Variants in ADAMTSL2 observed in about 807,000 individuals in gnomAD.
ADAMTSL2 encodes the protein ADAMTS like 2.
A neutral mutation model predicts 117.0 loss-of-function variants in ADAMTSL2; 55 were observed. That is an observed-to-expected ratio of 0.47 (90% CI 0.38 to 0.59). The LOEUF is 0.59. Ranked by LOEUF, ADAMTSL2 falls within the 20% of genes least tolerant of loss-of-function variation. The probability of loss-of-function intolerance (pLI) is 0.00; values close to 1 mark genes in which losing one functional copy is unlikely to be tolerated. For synonymous variants in ADAMTSL2, 572 were observed against 566.4 expected, an observed-to-expected ratio of 1.01 and a Z score of -0.14; for missense variants, 1,182 against 1,354.5, an observed-to-expected ratio of 0.87 and a Z score of 2.00.
chr9:133,553,923 G>A (rs1287135482), intron 9 of ADAMTSL2, among the ~76,000 whole-genome samples: 1 of 152,270 alleles, frequency 6.6e-6, no homozygotes, highest in Non-Finnish European at 1.5e-5. Context: ...CCTGGCCTGG[G>A]CAGTGGGGCT....
At chr9:133,547,743 G>A (rs1329137256) in intron 9 of ADAMTSL2, among the ~76,000 whole-genome samples, 1 of 152,188 alleles carries the variant, frequency 6.6e-6, no homozygotes. Flanking sequence ...GCACTATGGT[G>A]CTCGGTCCTT....
chr9:133,573,710 G>A, intron 17 of ADAMTSL2, 133 bp from the exon 18 acceptor site: 2 of 1,084,334 alleles, frequency 1.8e-6, no homozygotes, highest in Admixed American at 3.9e-5. Flanking sequence ...CACGGGTCCT[G>A]TGTCAGTTGG....
chr9:133,542,297 G>A (rs1830243813), intron 7 of ADAMTSL2, among the ~76,000 whole-genome samples: 2 of 152,236 alleles, frequency 1.3e-5, no homozygotes, highest in African/African-American at 4.8e-5. Context: ...AGCAGGGCGA[G>A]GTGGGCAGAG....
At chr9:133,556,202 T>TG (rs1191173085) in intron 11 of ADAMTSL2, among the ~76,000 whole-genome samples, 1 of 152,076 alleles carries the variant, frequency 6.6e-6, no homozygotes, top group Non-Finnish European at 1.5e-5. Context: ...GTGCAGCTGA[T>TG]GGGGGGAAGG....
chr9:133,568,545 G>A, intron 14 of ADAMTSL2, 58 bp from the exon 15 acceptor site: 2 of 1,562,218 alleles, frequency 1.3e-6, no homozygotes, highest in Admixed American at 3.8e-5. Flanking sequence ...GGGCTTGGGA[G>A]ATGGAGGTGG....
intron 9 of ADAMTSL2, among the ~76,000 whole-genome samples, chr9:133,550,464 C>T (rs1263512265): frequency 6.6e-6 from 1 of 152,216 alleles, no homozygotes; most frequent in Non-Finnish European, 1.5e-5. Flanking sequence ...TGTTTAATGC[C>T]ATGTTCTCGG....
At chr9:133,569,305 C>T (rs1384028115) in intron 15 of ADAMTSL2, 103 bp from the exon 16 acceptor site, 2 of 1,239,270 alleles carry the variant, frequency 1.6e-6, no homozygotes, top group Non-Finnish European at 2.3e-6. Flanking sequence ...ACCGCTTCGA[C>T]ACTGCCTGGG....
chr9:133,570,479 T>C lies in ADAMTSL2; in HGVS notation c.2564T>C (p.Phe855Ser), dbSNP rs1831080526. 5 of 1,611,742 alleles carry C rather than the reference T, an allele frequency of 3.1e-6. No individual in the cohort carries two copies. The South Asian group carries it at 5.5e-5, about 18-fold the overall frequency. ...AGCACGTGTTTCGAGAGGCCCTGCT[T>C]CAAGTGGTACACCAGCCCCTGGTCA... ...EESTCFERPC[F>S]KWYTSPWSEC... is the part of the protein sequence containing the mutation. The change falls in exon 17 of 19, where the codon TTC (phenylalanine) becomes TCC (serine). Residue 855 changes from phenylalanine (F) to serine (S), a missense_variant. This residue lies in a region of ADAMTSL2 where 465 missense variants were observed against 565.3 expected (regional missense o/e 0.82). Coordinates refer to ENST00000651351, the MANE Select transcript of ADAMTSL2 (RefSeq NM_014694.4).
At chr9:133,573,322 G>A (rs951387541) in intron 17 of ADAMTSL2, among the ~76,000 whole-genome samples, 1 of 152,184 alleles carries the variant, frequency 6.6e-6, no homozygotes, top group Non-Finnish European at 1.5e-5. Context: ...ACATCTGGAC[G>A]GGGAGCCACT....
At position 133,575,077 on chromosome 9, in the gene ADAMTSL2, C is replaced by G; in HGVS notation, c.*213C>G. ...CCGGCACCCAGTGGCCTCCCCCAGA[C>G]AGAGCCACCCCTGCCGTGGGAACCT... On this transcript the variant is annotated 3_prime_UTR_variant, in exon 19 of 19. Coordinates refer to ENST00000651351, the MANE Select transcript of ADAMTSL2 (RefSeq NM_014694.4). The G allele has an allele frequency of 5.1e-6, 3 of 589,356 alleles. No homozygotes were observed. Among genetic ancestry groups the G allele is most frequent in the Non-Finnish European group, 9.1e-6 (3 of 329,464 alleles). The allele number at this position is 589,356 out of a possible 1,614,324, so 36.5% of individuals were successfully genotyped here.
At chr9:133,534,942 C>G in intron 1 of ADAMTSL2, 25 bp downstream of exon 1, 1 of 1,374,952 alleles carries the variant, frequency 7.3e-7, no homozygotes, top group Admixed American at 3.2e-5. Flanking sequence ...CCCCGTCCCC[C>G]TCACGTTGCA....
At position 133,539,939 on chromosome 9, in the gene ADAMTSL2, C is replaced by T. The variant is rs887218022; in HGVS notation, c.412+66C>T. 2.4e-4 allele frequency: 350 copies of T among 1,441,944 alleles called. 1 individual carries two copies. The highest frequency in any genetic ancestry group is 3.0e-4 in the Non-Finnish European group (318 of 1,051,478). 89.3% of individuals were successfully genotyped at this position (1,441,944 alleles called of 1,614,324 possible). On this transcript the variant is annotated intron_variant, in intron 5 of 18. Coordinates refer to ENST00000651351, the MANE Select transcript of ADAMTSL2 (RefSeq NM_014694.4). ...TGAGCTTTGGGGGTAGCCCTTCCGG[C>T]ACCTGGGACCAAACTCGACGGGTGG...
At chr9:133,535,856 G>T (rs1393593877) in intron 1 of ADAMTSL2, among the ~76,000 whole-genome samples, 2 of 152,162 alleles carry the variant, frequency 1.3e-5, no homozygotes, top group Non-Finnish European at 2.9e-5. Flanking sequence ...TGAGGAGGGG[G>T]TGGGGAGAGC....
At chr9:133,572,445 G>T (rs898636808) in intron 17 of ADAMTSL2, among the ~76,000 whole-genome samples, 1 of 152,280 alleles carries the variant, frequency 6.6e-6, no homozygotes. Flanking sequence ...GGCTAAGCCC[G>T]GTGGGAGGGA....
Position 133,570,427 on chromosome 9 carries a change from G to T in ADAMTSL2, c.2512G>T (p.Gly838Trp), listed in dbSNP as rs886063647. ...KPQTRSGPEC[G>W]LAKKPPEEST... is the part of the protein sequence containing the mutation. ...GCAGACGCGCAGTGGCCCCGAGTGC[G>T]GGCTCGCCAAGAAGCCTCCCGAGGA... Residue 838 changes from glycine (G) to tryptophan (W), a missense_variant, in exon 17 of 19, where the codon GGG becomes TGG. By Grantham distance (184) the Gly-to-Trp change is radical (BLOSUM62 -2). Around this residue, in one of 3 missense-constraint regions of ADAMTSL2, gnomAD observed 465 missense variants for 565.3 expected, o/e 0.82. Transcript: ENST00000651351. The T allele has an allele frequency of 1.9e-5, 30 of 1,604,684 alleles. No homozygotes were observed. Among genetic ancestry groups the T allele is most frequent in the Non-Finnish European group, 2.5e-5 (29 of 1,176,406 alleles).
chr9:133,564,641 G>GGAGA (rs1564179077), intron 12 of ADAMTSL2, among the ~76,000 whole-genome samples: 9 of 13,108 alleles, frequency 6.9e-4, no homozygotes, highest in African/African-American at 2.5e-3. Context: ...AGAGAGAGAG[G>GGAGA]GAGAGAGGGA....
intron 4 of ADAMTSL2, 76 bp from the exon 5 acceptor site, chr9:133,539,695 T>TGTC (rs1554810842): frequency 2.2e-3 from 676 of 303,842 alleles, no homozygotes; most frequent in Non-Finnish European, 3.0e-3. Context: ...TGCAGCCACT[T>TGTC]CCTGCTTAGC....
chr9:133,569,769 C>A (rs2131183512), intron 16 of ADAMTSL2, among the ~76,000 whole-genome samples, 191 bp downstream of exon 16: 2 of 152,324 alleles, frequency 1.3e-5, no homozygotes, highest in East Asian at 3.9e-4. Context: ...CTTACAAGTC[C>A]CCAAATCTCA....
Position 133,536,603 on chromosome 9 carries a change from T to A in ADAMTSL2, c.-110T>A. The A allele has an allele frequency of 1.2e-6, 2 of 1,611,698 alleles. No homozygotes were observed. The highest frequency in any genetic ancestry group is 1.7e-4 in the Middle Eastern group (1 of 6,056). ...CACGACCAACTAGTCCCAGATAACC[T>A]TGAGGCCTGGGCACTGGCTGGGCCC... On this transcript the variant is annotated 5_prime_UTR_variant, in exon 2 of 19. The change creates a new upstream start codon in the 5' untranslated region. Transcript: ENST00000651351.
Sources: gnomAD v4.1 joint callset for allele counts (sites outside exome capture counted in the v4.1 genomes callset) on GRCh38, gnomAD v4.1.1 for gene constraint, gnomAD v4.1.1 regional missense constraint, MANE v1.5 for transcripts, NCBI Gene and HGNC (gene_info 2026-07-23, HGNC 2026-07-21) for gene names.